Variants in PCDHGC5 observed in about 807,000 individuals in gnomAD.
PCDHGC5 encodes protocadherin gamma-C5.
PCDHGC5 carries 25 observed loss-of-function variants against 59.0 expected under a neutral mutation model. The ratio of observed to expected loss-of-function variants is 0.42; its 90% confidence interval spans 0.31 to 0.59. The LOEUF is 0.59. Among genes scored for constraint, PCDHGC5 ranks in the 20% least tolerant of loss-of-function variants. PCDHGC5 has a pLI of 0.13. For synonymous variants in PCDHGC5, 434 were observed against 505.5 expected (o/e 0.86, Z 1.90); for missense variants, 1,067 against 1,206.4 (o/e 0.88, Z 1.71).
chr5:141,490,956 A>T lies in PCDHGC5; in HGVS notation c.1716A>T (p.Glu572Asp). 1.2e-6 allele frequency: 2 copies of T among 1,613,828 alleles called. No homozygotes were observed. The highest frequency in any genetic ancestry group is 1.7e-6 in the Non-Finnish European group (2 of 1,179,852). ...TGCTGCACCCACGGCCAGACTGGGA[A>T]CACTCAGCCCCCCAGCGTCTCCCTC... The part of the protein sequence containing the change: ...PAVLHPRPDW[E>D]HSAPQRLPRS... The change falls in exon 1 of 4, where the codon GAA becomes GAT. Residue 572 changes from glutamate (E) to aspartate (D), a missense_variant. Transcript: ENST00000252087. The surrounding 1 kb of genome is among the most constrained non-coding windows in gnomAD (Gnocchi z 5.4).
intron 2 of PCDHGC5, among the ~76,000 whole-genome samples, chr5:141,499,326 C>T (rs1465474737): frequency 6.6e-6 from 1 of 152,156 alleles, no homozygotes. Context: ...TATCCCTGCT[C>T]TCTCTCAGTT....
Position 141,489,368 on chromosome 5 carries a change from C to T in PCDHGC5, c.128C>T (p.Thr43Met), listed in dbSNP as rs889945954. The T allele has an allele frequency of 1.2e-5, 20 of 1,613,264 alleles. No homozygotes were observed. The highest frequency in any genetic ancestry group is 1.6e-5 in the Non-Finnish European group (19 of 1,179,484). The change falls in exon 1 of 4, where the codon ACG becomes ATG. Residue 43 changes from threonine (T) to methionine (M), a missense_variant. Thr to Met is a moderately conservative substitution (Grantham distance 81). Transcript: ENST00000252087. The surrounding 1 kb of genome is among the most constrained non-coding windows in gnomAD (Gnocchi z 4.5). The stretch of plus-strand genomic sequence containing the variant: ...GTGGTGGAGGAGTCTGAGCCGGGGA[C>T]GCTGGTGGGGAATGTTGCTCAGGAT... Reference protein sequence around the residue: ...YSVVEESEPGTLVGNVAQDLG... With the variant: ...YSVVEESEPGMLVGNVAQDLG...
At chr5:141,505,044 C>G (rs1446394128) in intron 2 of PCDHGC5, among the ~76,000 whole-genome samples, 3 of 152,156 alleles carry the variant, frequency 2.0e-5, no homozygotes, top group African/African-American at 7.2e-5. Context: ...TGCCTGTCAT[C>G]CCAGCTACTT....
At position 141,491,686 on chromosome 5, in the gene PCDHGC5, C is replaced by CG; in HGVS notation, c.2449dup (p.Glu817GlyfsTer30). 1 of 1,612,970 alleles carries CG rather than the reference C, an allele frequency of 6.2e-7. No individual in the cohort carries two copies. The highest frequency in any genetic ancestry group is 2.2e-5 in the East Asian group (1 of 44,838). ...CATCCGGTCCCGCTCTAATACGCTG[C>CG]GGGAGCGGAGCCAGGTGAGGGGCTC... On this transcript the variant is annotated frameshift_variant, in exon 1 of 4. Transcript: ENST00000252087. LOFTEE classifies it high-confidence loss of function. The surrounding 1 kb of genome is among the most constrained non-coding windows in gnomAD (Gnocchi z 6.9).
At position 141,511,313 on chromosome 5, in the gene PCDHGC5, CAGAA is replaced by C; in HGVS notation, c.*142_*145del. The C allele has an allele frequency of 2.0e-6, 3 of 1,482,944 alleles. No homozygotes were observed. In the South Asian group the frequency reaches 4.1e-5, roughly 20 times the overall value. 91.9% of individuals were successfully genotyped at this position (1,482,944 alleles called of 1,614,324 possible). ...CCAAGGCCATGCTCCCCTTGGGAAA[CAGAA>C]ACAAGTGCCCAGTCAGCACCTACCC... On this transcript the variant is annotated 3_prime_UTR_variant, in exon 4 of 4. Transcript: ENST00000252087.
intron 2 of PCDHGC5, among the ~76,000 whole-genome samples, chr5:141,504,999 T>C (rs1278633184): frequency 6.6e-6 from 1 of 152,000 alleles, no homozygotes; most frequent in African/African-American, 2.4e-5. Context: ...CCGTCTGTAC[T>C]AAAAATACAA....
Position 141,490,479 on chromosome 5 carries a change from C to A in PCDHGC5, c.1239C>A (p.Asp413Glu). 6.2e-7 allele frequency: 1 copy of A among 1,614,216 alleles called. No homozygotes were observed. Among genetic ancestry groups the A allele is most frequent in the South Asian group, 1.1e-5 (1 of 91,086 alleles). The change falls in exon 1 of 4, where the codon GAC (aspartate) becomes GAA (glutamate). Residue 413 changes from aspartate to glutamate, a missense_variant. Asp to Glu is a conservative substitution (Grantham distance 45). Transcript: ENST00000252087. The surrounding 1 kb of genome is among the most constrained non-coding windows in gnomAD (Gnocchi z 5.4). ...CGCTGCTAACCAGCCAGCCTTTGGA[C>A]CGGGAGGCCACATCCCACTATATCA... ...HYSLLTSQPL[D>E]REATSHYIIE...
At chr5:141,500,227 G>T (rs959087347) in intron 2 of PCDHGC5, among the ~76,000 whole-genome samples, 15 of 116,224 alleles carry the variant, frequency 1.3e-4, no homozygotes, top group African/African-American at 2.9e-4. Context: ...TTTATTTATT[G>T]ATACGTAGCC....
At chr5:141,494,902 C>A (rs2099757367) in intron 2 of PCDHGC5, 37 bp downstream of exon 2, 1 of 1,614,024 alleles carries the variant, frequency 6.2e-7, no homozygotes, top group East Asian at 2.2e-5. Context: ...CTCTTCTCTG[C>A]GGCATTTTCT....
At chr5:141,497,203 G>C (rs750138875) in intron 2 of PCDHGC5, among the ~76,000 whole-genome samples, 3 of 91,718 alleles carry the variant, frequency 3.3e-5, no homozygotes, top group African/African-American at 2.8e-4. Flanking sequence ...AACAATGTGA[G>C]TGTAATGGGG....
intron 2 of PCDHGC5, 141 bp downstream of exon 2, chr5:141,495,006 G>C (rs1030195663): frequency 2.0e-6 from 3 of 1,521,446 alleles, no homozygotes; most frequent in Non-Finnish European, 8.8e-7. Flanking sequence ...CTTGGTGTGC[G>C]GGGGGCTGGC....
Position 141,491,900 on chromosome 5 carries a change from G to T in PCDHGC5, c.2460+200G>T. The T allele has an allele frequency of 7.0e-7, 1 of 1,429,936 alleles. No homozygotes were observed. The highest frequency in any genetic ancestry group is 1.5e-5 in the South Asian group (1 of 67,072). 88.6% of individuals were successfully genotyped at this position (1,429,936 alleles called of 1,614,324 possible). A position where few individuals can be genotyped will look rare whatever the true frequency, so the allele number is the denominator to read the frequency against. ...TAAGGGATGGGGCTCCGAGCACCGG[G>T]GGTGGTGGCGACTGTGGGCGAGGGG... On this transcript the variant is annotated intron_variant, in intron 1 of 3. Transcript: ENST00000252087. This position sits in a 1 kb window ranked among gnomAD's most constrained non-coding sequence, Gnocchi z 6.9.
intron 2 of PCDHGC5, among the ~76,000 whole-genome samples, chr5:141,500,838 GGCTTTT>G (rs2099802886): frequency 6.6e-6 from 1 of 151,878 alleles, no homozygotes. Flanking sequence ...AATGCTAATG[GGCTTTT>G]GCTACATTAG....
Position 141,489,880 on chromosome 5 carries a change from G to A in PCDHGC5, c.640G>A (p.Ala214Thr). Residue 214 changes from alanine to threonine, a missense_variant, in exon 1 of 4, where the codon GCT becomes ACT. Transcript: ENST00000252087. The surrounding 1 kb of genome is among the most constrained non-coding windows in gnomAD (Gnocchi z 4.5). Reference sequence around the variant, plus strand: ...GGCAAGACATCAGCTGGTGCTTACTGCTGTGGATGGGGGGACCCCAGCCCG... The same window carrying A: ...GGCAAGACATCAGCTGGTGCTTACTACTGTGGATGGGGGGACCCCAGCCCG... ...AQARHQLVLTAVDGGTPARSG... is the reference protein window; with the variant it reads ...AQARHQLVLTTVDGGTPARSG... 2 of 1,614,230 alleles carry A rather than the reference G, an allele frequency of 1.2e-6. No individual in the cohort carries two copies. The highest frequency in any genetic ancestry group is 1.7e-6 in the Non-Finnish European group (2 of 1,180,026).
chr5:141,500,189 TTTA>T (rs780229863), intron 2 of PCDHGC5, among the ~76,000 whole-genome samples: 5,656 of 110,928 alleles, frequency 0.051, 122 homozygotes, highest in Middle Eastern at 0.14. Context: ...TTTATTTTTA[TTTA>T]TTTATTTATT....
chr5:141,496,513 G>A (rs1364297990), intron 2 of PCDHGC5, among the ~76,000 whole-genome samples: 1 of 152,140 alleles, frequency 6.6e-6, no homozygotes, highest in Non-Finnish European at 1.5e-5. Context: ...CAAGGACCCA[G>A]GAGCCCTTGG....
intron 3 of PCDHGC5, among the ~76,000 whole-genome samples, chr5:141,509,049 C>G (rs1384134813): frequency 3.3e-5 from 5 of 152,150 alleles, no homozygotes; most frequent in Non-Finnish European, 5.9e-5. Context: ...TCCCCCGCCC[C>G]CAGAAAGCTC....
chr5:141,494,855 G>C lies in PCDHGC5; in HGVS notation c.2509G>C (p.Gly837Arg), dbSNP rs200418116. The C allele has an allele frequency of 6.2e-7, 1 of 1,614,092 alleles. No homozygotes were observed. Among genetic ancestry groups the C allele is most frequent in the South Asian group, 1.1e-5 (1 of 91,072 alleles). ...DWRFSQAQRP[G>R]TSGSQNGDDT... is the part of the protein sequence containing the mutation. ...GCGTTTCTCTCAGGCCCAGAGACCC[G>C]GCACCAGCGGGTAGGTGACTGATTC... The change falls in exon 2 of 4, where the codon GGC (glycine) becomes CGC (arginine). Residue 837 changes from glycine (G) to arginine (R), a missense_variant. Transcript: ENST00000252087.
Position 141,494,815 on chromosome 5 carries a change from G to C in PCDHGC5, c.2469G>C (p.Pro823=). 6.2e-7 allele frequency: 1 copy of C among 1,613,976 alleles called. No individual in the cohort carries two copies. The highest frequency in any genetic ancestry group is 8.5e-7 in the Non-Finnish European group (1 of 1,179,982). Residue 823 remains proline, a synonymous_variant, in exon 2 of 4, where the codon CCG becomes CCC. Transcript: ENST00000252087. Reference sequence around the variant, plus strand: ...CTCTGTTTTCTCCACAGCAAGCCCCGCCCAACACGGACTGGCGTTTCTCTC... The same window carrying C: ...CTCTGTTTTCTCCACAGCAAGCCCCCCCCAACACGGACTGGCGTTTCTCTC... ...NTLRERSQQA[P]PNTDWRFSQA...
Sources: allele counts gnomAD v4.1 joint callset (sites outside exome capture counted in the v4.1 genomes callset), GRCh38; gene constraint gnomAD v4.1.1; non-coding constraint Gnocchi (gnomAD v3.1); transcripts MANE v1.5; gene names NCBI Gene and HGNC (gene_info 2026-07-23, HGNC 2026-07-21).